NEK6: variants seen among roughly 807,000 people sequenced by gnomAD.
The protein encoded by NEK6 is serine/threonine-protein kinase Nek6.
NEK6 carries 27 observed loss-of-function variants against 43.5 expected under a neutral mutation model. The observed-to-expected ratio is 0.62, with a 90% CI of 0.46 to 0.86. The LOEUF is 0.86. Among genes scored for constraint, NEK6 ranks in the 40% least tolerant of loss-of-function variants. NEK6 has a pLI of 0.00. For missense variants in NEK6, 318 were observed against 414.4 expected, an observed-to-expected ratio of 0.77 and a Z score of 2.02; for synonymous variants, 167 against 164.1, an observed-to-expected ratio of 1.02 and a Z score of -0.14.
At chr9:124,293,143 G>A in intron 1 of NEK6, 2 of 1,188,976 alleles carry the variant, frequency 1.7e-6, no homozygotes, top group Non-Finnish European at 2.2e-6. Context: ...ATCACCTCAG[G>A]CAAATGATTA....
intron 8 of NEK6, among the ~76,000 whole-genome samples, chr9:124,346,766 G>A (rs977761519): frequency 6.6e-6 from 1 of 152,186 alleles, no homozygotes; most frequent in African/African-American, 2.4e-5. Flanking sequence ...GAGTGGTGGG[G>A]CAGCCTGGCA....
At chr9:124,287,629 A>G (rs1221220622) in intron 1 of NEK6, among the ~76,000 whole-genome samples, 2 of 152,230 alleles carry the variant, frequency 1.3e-5, no homozygotes, top group Non-Finnish European at 2.9e-5. Context: ...GTTTGAAACT[A>G]GCCTGGCCAA....
chr9:124,266,038 G>A (rs1199715378), intron 1 of NEK6, among the ~76,000 whole-genome samples: 1 of 152,156 alleles, frequency 6.6e-6, no homozygotes, highest in Non-Finnish European at 1.5e-5. Flanking sequence ...AGAGCTTCCG[G>A]CAGTGAGGGG....
At chr9:124,274,963 A>T (rs976067582) in intron 1 of NEK6, among the ~76,000 whole-genome samples, 1 of 152,192 alleles carries the variant, frequency 6.6e-6, no homozygotes, top group Non-Finnish European at 1.5e-5. Context: ...GAATGAAAAG[A>T]TGGATGTGAA....
At chr9:124,340,225 C>T (rs1054527668) in intron 8 of NEK6, among the ~76,000 whole-genome samples, 19 of 152,322 alleles carry the variant, frequency 1.2e-4, no homozygotes, top group African/African-American at 4.6e-4. Flanking sequence ...GGGACAGGAA[C>T]ATTTCTGAGT....
At chr9:124,319,259 C>T (rs1833952671) in intron 4 of NEK6, among the ~76,000 whole-genome samples, 5 of 152,148 alleles carry the variant, frequency 3.3e-5, no homozygotes, top group African/African-American at 9.7e-5. Context: ...GCTGGGATTA[C>T]AGGCGTGAGC....
At position 124,302,067 on chromosome 9, in the gene NEK6, C is replaced by T. The variant is rs896819716; in HGVS notation, c.90+13C>T. On this transcript the variant is annotated intron_variant, in intron 2 of 9. Coordinates refer to ENST00000320246, the MANE Select transcript of NEK6 (RefSeq NM_014397.6). ...TCCTGACCCACAGGTAAGCCCCTTA[C>T]CTTTGTCTGCAGCACACTGAAGAGT... 1.3e-6 allele frequency: 2 copies of T among 1,570,618 alleles called. No homozygotes were observed. Among genetic ancestry groups the T allele is most frequent in the Non-Finnish European group, 8.7e-7 (1 of 1,150,692 alleles).
At chr9:124,340,130 C>CCTTAAAGACCACCA in intron 8 of NEK6, among the ~76,000 whole-genome samples, 1 of 152,280 alleles carries the variant, frequency 6.6e-6, no homozygotes. Context: ...ATGTGGGTCT[C>CCTTAAAGACCACCA]CCTAAAGACC....
rs1440704834 is a variant in NEK6, at chr9:124,352,969, AATGATC to A, written c.*2026_*2031del. ...ACTCACCAGGCCTGAGTGTTTGTGAAATGATCATGTCCTACTTATTACAAAACCGTA... is the reference window on the plus strand; with the variant it reads ...ACTCACCAGGCCTGAGTGTTTGTGAAATGTCCTACTTATTACAAAACCGTA... On this transcript the variant is annotated 3_prime_UTR_variant, in exon 10 of 10. Coordinates refer to ENST00000320246, the MANE Select transcript of NEK6 (RefSeq NM_014397.6). The A allele has an allele frequency of 1.3e-5, 2 of 152,440 alleles. No individual in the cohort carries two copies. Among genetic ancestry groups the A allele is most frequent in the African/African-American group, 2.4e-5 (1 of 41,448 alleles). 9.4% of individuals were successfully genotyped at this position (152,440 alleles called of 1,614,324 possible). A position where few individuals can be genotyped will look rare whatever the true frequency, so the allele number is the denominator to read the frequency against.
In NEK6 at chr9:124,352,984, CTTA is replaced by C. The variant is rs1830338382; in HGVS notation, c.*2041_*2043del. ...GTGTTTGTGAAATGATCATGTCCTA[CTTA>C]TTACAAAACCGTAACCCCAAAACAT... On this transcript the variant is annotated 3_prime_UTR_variant, in exon 10 of 10. Coordinates refer to ENST00000320246, the MANE Select transcript of NEK6 (RefSeq NM_014397.6). The C allele has an allele frequency of 6.5e-6, 1 of 152,812 alleles. No homozygotes were observed. The highest frequency in any genetic ancestry group is 2.4e-5 in the African/African-American group (1 of 41,456). 9.5% of individuals were successfully genotyped at this position (152,812 alleles called of 1,614,324 possible). A position where few individuals can be genotyped will look rare whatever the true frequency, so the allele number is the denominator to read the frequency against.
At chr9:124,282,274 C>G (rs1463514999) in intron 1 of NEK6, among the ~76,000 whole-genome samples, 1 of 152,054 alleles carries the variant, frequency 6.6e-6, no homozygotes, top group Non-Finnish European at 1.5e-5. Flanking sequence ...GTTCCGTGTT[C>G]CGTGGCTCGT....
chr9:124,322,873 G>C (rs933569664), intron 5 of NEK6, among the ~76,000 whole-genome samples: 1 of 152,250 alleles, frequency 6.6e-6, no homozygotes. Context: ...CTGGGAAGTG[G>C]CATTACTTGA....
chr9:124,312,276 G>C (rs1011263113), intron 2 of NEK6, among the ~76,000 whole-genome samples: 1 of 152,228 alleles, frequency 6.6e-6, no homozygotes, highest in Non-Finnish European at 1.5e-5. Context: ...GGGCAGTGGG[G>C]AGCATGAACA....
upstream of NEK6, chr9:124,257,894 C>T: frequency 1.0e-6 from 1 of 964,824 alleles, no homozygotes; most frequent in Non-Finnish European, 1.2e-6. Context: ...GCGCTGGGGG[C>T]GGCGCGGCCC....
rs982650008 is a variant in NEK6 at position 124,275,068 on chromosome 9, T to C, written c.-30+16983T>C. On this transcript the variant is annotated intron_variant, in intron 1 of 9. Transcript: ENST00000320246. This position sits in a 1 kb window ranked among gnomAD's most constrained non-coding sequence, Gnocchi z 4.4. ...TCTTGTGATTAGTTCATCGTGTGCCTCACCACACTTCCATCCCAGTAAACT... is the reference window on the plus strand; with the variant it reads ...TCTTGTGATTAGTTCATCGTGTGCCCCACCACACTTCCATCCCAGTAAACT... 1.3e-5 allele frequency among the ~76,000 whole-genome samples: 2 copies of C among 152,132 alleles called. No individual in the cohort carries two copies. The highest frequency in any genetic ancestry group is 6.3e-3 in the Middle Eastern group (2 of 316).
chr9:124,342,723 T>C (rs1168216957), intron 8 of NEK6, among the ~76,000 whole-genome samples: 1 of 152,268 alleles, frequency 6.6e-6, no homozygotes, highest in Non-Finnish European at 1.5e-5. Flanking sequence ...TCATGTGTCT[T>C]GTCCCTGGGT....
intron 1 of NEK6, chr9:124,292,424 G>A: frequency 6.5e-7 from 1 of 1,535,852 alleles, no homozygotes; most frequent in Non-Finnish European, 8.7e-7. Flanking sequence ...GGTGGGTTTT[G>A]TCTGCCCCTT....
rs201649447 is a variant in NEK6 at position 124,350,961 on chromosome 9, G to A, written c.*14G>A. 1.3e-5 allele frequency: 21 copies of A among 1,584,298 alleles called. No homozygotes were observed. The highest frequency in any genetic ancestry group is 2.2e-5 in the East Asian group (1 of 44,738). The stretch of plus-strand genomic sequence containing the variant: ...TCCAGCACCTGAGCGTGGATGCACC[G>A]TGCCTTATCAAAGCCAGCACCACTT... On this transcript the variant is annotated 3_prime_UTR_variant, in exon 10 of 10. Coordinates refer to ENST00000320246, the MANE Select transcript of NEK6 (RefSeq NM_014397.6).
intron 1 of NEK6, among the ~76,000 whole-genome samples, chr9:124,283,238 A>G (rs1832003096): frequency 6.6e-6 from 1 of 152,252 alleles, no homozygotes; most frequent in Non-Finnish European, 1.5e-5. Flanking sequence ...GGCCTGGCAC[A>G]TAGTAGGTGC....
Sources: gnomAD v4.1 joint callset for allele counts (sites outside exome capture counted in the v4.1 genomes callset) on GRCh38, gnomAD v4.1.1 for gene constraint, Gnocchi (gnomAD v3.1) non-coding constraint, MANE v1.5 for transcripts, NCBI Gene and HGNC (gene_info 2026-07-23, HGNC 2026-07-21) for gene names.